UNC5B: variants seen among roughly 807,000 people sequenced by gnomAD.
The protein encoded by UNC5B is netrin receptor UNC5B.
A neutral mutation model predicts 103.7 loss-of-function variants in UNC5B; 56 were observed. That is an observed-to-expected ratio of 0.54 (90% confidence interval 0.44 to 0.67). The LOEUF (loss-of-function observed/expected upper bound fraction) is 0.67, where lower values mean the gene tolerates loss of function less well. Among genes scored for constraint, UNC5B ranks in the 30% least tolerant of loss-of-function variants. The pLI is 0.00. For synonymous variants in UNC5B, 577 were observed against 542.0 expected (o/e 1.06, Z -0.90); for missense variants, 1,194 against 1,284.5 (o/e 0.93, Z 1.08).
chr10:71,219,200 A>C (rs1198413211), intron 1 of UNC5B, among the ~76,000 whole-genome samples: 1 of 152,102 alleles, frequency 6.6e-6, no homozygotes, highest in Non-Finnish European at 1.5e-5. Context: ...GAGAAGGTGG[A>C]AGCTCTCACT....
chr10:71,254,231 A>G (rs949751678), intron 1 of UNC5B, among the ~76,000 whole-genome samples: 1 of 152,220 alleles, frequency 6.6e-6, no homozygotes, highest in Admixed American at 6.5e-5. Context: ...TTTGTGCCCT[A>G]CTGGGGCTGG....
rs1844679661 is a variant in UNC5B at position 71,272,875 on chromosome 10, G to A, written c.80-6946G>A. Among the ~76,000 whole-genome samples, 3 of 122,798 alleles carry A rather than the reference G, an allele frequency of 2.4e-5. No homozygotes were observed. In the South Asian group the frequency reaches 9.0e-4, roughly 37 times the overall value. The allele number at this position is 122,798 out of a possible 152,430, so 80.6% of individuals were successfully genotyped here. On this transcript the variant is annotated intron_variant, in intron 1 of 16. Transcript: ENST00000335350. Reference sequence around the variant, plus strand: ...GCTGCCACTCCCAGGCACATGCACTGCCTGTTTGTTTGTTTGTTTGTTTGT... The same window carrying A: ...GCTGCCACTCCCAGGCACATGCACTACCTGTTTGTTTGTTTGTTTGTTTGT...
At position 71,229,797 on chromosome 10, in the gene UNC5B, G is replaced by A. The variant is rs574063840; in HGVS notation, c.79+16733G>A. Among the ~76,000 whole-genome samples the A allele has an allele frequency of 3.2e-4, 48 of 152,290 alleles. 2 individuals carry two copies. In the South Asian group the frequency reaches 8.5e-3, roughly 27 times the overall value. On this transcript the variant is annotated intron_variant, in intron 1 of 16. Coordinates refer to ENST00000335350, the MANE Select transcript of UNC5B (RefSeq NM_170744.5). ...CCGCAGTCTTGCAGACCCTATAAAG[G>A]GGTGCATGAGGGCCCCGTGTCCCTT...
At chr10:71,241,418 T>A (rs1843898434) in intron 1 of UNC5B, among the ~76,000 whole-genome samples, 1 of 152,158 alleles carries the variant, frequency 6.6e-6, no homozygotes, top group South Asian at 2.1e-4. Context: ...ATATCCCCAC[T>A]GCCGCGTAGC....
In UNC5B at chr10:71,245,159, T is replaced by C. The variant is rs185064349; in HGVS notation, c.79+32095T>C. The stretch of plus-strand genomic sequence containing the variant: ...GGGACCACTTTTGAAAAGATTTCTT[T>C]TTATCCTACATGACGTGTGCTCTCT... On this transcript the variant is annotated intron_variant, in intron 1 of 16. Transcript: ENST00000335350. Among the ~76,000 whole-genome samples the C allele has an allele frequency of 7.0e-4, 107 of 152,250 alleles. No individual in the cohort carries two copies. The East Asian group carries it at 0.017, about 24-fold the overall frequency.
intron 1 of UNC5B, among the ~76,000 whole-genome samples, chr10:71,275,105 C>T (rs1299210357): frequency 1.3e-5 from 2 of 152,242 alleles, no homozygotes; most frequent in Admixed American, 6.5e-5. Flanking sequence ...AGCGATCTTT[C>T]GTGTCCTTCA....
Position 71,292,915 on chromosome 10 carries a change from GT to G in UNC5B, c.1772+364del, listed in dbSNP as rs1416612746. 5.9e-5 allele frequency among the ~76,000 whole-genome samples: 9 copies of G among 152,296 alleles called. No individual in the cohort carries two copies. In the East Asian group the frequency reaches 1.7e-3, roughly 29 times the overall value. On this transcript the variant is annotated intron_variant, in intron 11 of 16. Transcript: ENST00000335350. ...ACTGGCCAGTAGGTTATGAGAAAATGTTTAGTCTAATTTGCAGAGAAAACTA... is the reference window on the plus strand; with the variant it reads ...ACTGGCCAGTAGGTTATGAGAAAATGTTAGTCTAATTTGCAGAGAAAACTA...
At chr10:71,224,711 A>AG (rs1298042668) in intron 1 of UNC5B, among the ~76,000 whole-genome samples, 4 of 152,202 alleles carry the variant, frequency 2.6e-5, no homozygotes, top group Non-Finnish European at 5.9e-5. Flanking sequence ...ATTAAAGGAA[A>AG]TGGGCATGGT....
At chr10:71,260,370 C>T (rs1427788638) in intron 1 of UNC5B, among the ~76,000 whole-genome samples, 5 of 152,166 alleles carry the variant, frequency 3.3e-5, no homozygotes, top group Non-Finnish European at 7.4e-5. Flanking sequence ...CCCGGGAGCA[C>T]GGAGGCCTCT....
At chr10:71,289,990 C>G (rs1845203899) in intron 8 of UNC5B, among the ~76,000 whole-genome samples, 1 of 152,234 alleles carries the variant, frequency 6.6e-6, no homozygotes, top group South Asian at 2.1e-4. Flanking sequence ...CAGGTGCTTC[C>G]TGGAGCTCCC....
rs1281028883 is a variant in UNC5B, at chr10:71,300,095, C to G, written c.*818C>G. On this transcript the variant is annotated 3_prime_UTR_variant, in exon 17 of 17. Coordinates refer to ENST00000335350, the MANE Select transcript of UNC5B (RefSeq NM_170744.5). ...CGCGTGTGCATTGAGGAGAGAGAGACTGAACAGAGAGTACTTTGCTGCTAA... is the reference window on the plus strand; with the variant it reads ...CGCGTGTGCATTGAGGAGAGAGAGAGTGAACAGAGAGTACTTTGCTGCTAA... 1 of 149,610 alleles carries G rather than the reference C, an allele frequency of 6.7e-6. No individual in the cohort carries two copies. The highest frequency in any genetic ancestry group is 1.5e-5 in the Non-Finnish European group (1 of 67,664). The allele number at this position is 149,610 out of a possible 1,614,324, so 9.3% of individuals were successfully genotyped here. A position where few individuals can be genotyped will look rare whatever the true frequency, so the allele number is the denominator to read the frequency against.
At position 71,213,014 on chromosome 10, in the gene UNC5B, C is replaced by T. The variant is rs61757569; in HGVS notation, c.29C>T (p.Ala10Val). The T allele has an allele frequency of 3.0e-3, 4,268 of 1,414,800 alleles. 102 individuals are homozygous for T. The African/African-American group carries it at 0.052, about 17-fold the overall frequency. The allele number at this position is 1,414,800 out of a possible 1,614,324, so 87.6% of individuals were successfully genotyped here. Residue 10 changes from alanine (A) to valine (V), a missense_variant, in exon 1 of 17, where the codon GCG becomes GTG. Transcript: ENST00000335350. This position sits in a 1 kb window ranked among gnomAD's most constrained non-coding sequence, Gnocchi z 4.1. ...GGGGCCCGGAGCGGAGCTCGGGGCG[C>T]GCTGCTGCTGGCACTGCTGCTCTGC... Reference protein sequence around the residue: MGARSGARGALLLALLLCWD... With the variant: MGARSGARGVLLLALLLCWD...
intron 1 of UNC5B, among the ~76,000 whole-genome samples, chr10:71,276,921 C>T (rs1844785628): frequency 6.6e-6 from 1 of 152,194 alleles, no homozygotes; most frequent in Non-Finnish European, 1.5e-5. Flanking sequence ...CAAGAGCCAT[C>T]CGGTACTGCT....
At chr10:71,248,846 CTG>C (rs1328342846) in intron 1 of UNC5B, among the ~76,000 whole-genome samples, 5 of 112,494 alleles carry the variant, frequency 4.4e-5, no homozygotes, top group Non-Finnish European at 5.5e-5. Context: ...CTCCCTCTCT[CTG>C]TCTCTCTCTC....
Position 71,279,833 on chromosome 10 carries a change from G to A in UNC5B, c.92G>A (p.Gly31Asp), listed in dbSNP as rs778712957. 5 of 1,613,222 alleles carry A rather than the reference G, an allele frequency of 3.1e-6. No homozygotes were observed. ...PRLSQAGTDS[G>D]SEVLPDSFPS... is the part of the protein sequence containing the mutation. The stretch of plus-strand genomic sequence containing the variant: ...ACTCACTCTGCAGGCACTGATTCTG[G>A]CAGCGAGGTGCTCCCTGACTCCTTC... The change falls in exon 2 of 17, where the codon GGC becomes GAC. Residue 31 changes from glycine (G) to aspartate (D), a missense_variant. Gly to Asp is a moderately conservative substitution (Grantham distance 94). Coordinates refer to ENST00000335350, the MANE Select transcript of UNC5B (RefSeq NM_170744.5).
At chr10:71,247,293 G>A (rs1844059700) in intron 1 of UNC5B, among the ~76,000 whole-genome samples, 1 of 152,240 alleles carries the variant, frequency 6.6e-6, no homozygotes, top group African/African-American at 2.4e-5. Flanking sequence ...GCTGCAGAGT[G>A]AACATCCAGA....
chr10:71,246,440 T>C (rs1844039826), intron 1 of UNC5B, among the ~76,000 whole-genome samples: 1 of 152,038 alleles, frequency 6.6e-6, no homozygotes, highest in South Asian at 2.1e-4. Flanking sequence ...TGGGGCTGAA[T>C]CAGGGAAGCA....
In UNC5B at chr10:71,287,674, C is replaced by T; in HGVS notation, c.810C>T (p.Thr270=). The change falls in exon 6 of 17, where the codon ACC becomes ACT. Residue 270 remains threonine (T), a synonymous_variant. Coordinates refer to ENST00000335350, the MANE Select transcript of UNC5B (RefSeq NM_170744.5). ...NRCGRGWQKR[T]RTCTNPAPLN... The stretch of plus-strand genomic sequence containing the variant: ...GTGGCCGAGGCTGGCAGAAGCGCAC[C>T]CGGACCTGCACCAACCCCGCTCCAC... 1 of 1,613,276 alleles carries T rather than the reference C, an allele frequency of 6.2e-7. No homozygotes were observed. The highest frequency in any genetic ancestry group is 1.7e-5 in the Admixed American group (1 of 59,952).
chr10:71,279,310 C>T (rs1319545462), intron 1 of UNC5B, among the ~76,000 whole-genome samples: 2 of 152,222 alleles, frequency 1.3e-5, no homozygotes, highest in Non-Finnish European at 2.9e-5. Context: ...CCCCGCAGCC[C>T]TGGCTCCTGT....
Sources: allele counts gnomAD v4.1 joint callset (sites outside exome capture counted in the v4.1 genomes callset), GRCh38; gene constraint gnomAD v4.1.1; non-coding constraint Gnocchi (gnomAD v3.1); transcripts MANE v1.5; gene names NCBI Gene and HGNC (gene_info 2026-07-23, HGNC 2026-07-21).